Variants in SEC61A1 observed in about 807,000 individuals in gnomAD.
SEC61A1 encodes SEC61 translocon subunit alpha 1.
In SEC61A1, 15 loss-of-function variants were observed where a neutral mutation model predicts 55.2. That is an observed-to-expected ratio of 0.27 (90% CI 0.18 to 0.42). The LOEUF (loss-of-function observed/expected upper bound fraction) is 0.42, where lower values mean the gene tolerates loss of function less well. Ranked by LOEUF, SEC61A1 falls within the 10% of genes least tolerant of loss-of-function variation. SEC61A1 has a pLI of 1.00. For missense variants in SEC61A1, 284 were observed against 602.6 expected, an observed-to-expected ratio of 0.47 and a Z score of 5.53; for synonymous variants, 247 against 234.0, an observed-to-expected ratio of 1.06 and a Z score of -0.51.
chr3:128,068,135 A>G, intron 11 of SEC61A1, 76 bp downstream of exon 11: 1 of 1,082,698 alleles, frequency 9.2e-7, no homozygotes, highest in Non-Finnish European at 1.4e-6. Flanking sequence ...GCATCCTGAT[A>G]GGCCCTAGCA....
At chr3:128,068,924 C>A (rs1942066953) in intron 11 of SEC61A1, 1 of 152,280 alleles carries the variant, frequency 6.6e-6, no homozygotes, top group Non-Finnish European at 1.5e-5. Context: ...CTAAAGGAAG[C>A]AACCACAGGA....
At chr3:128,051,741 G>A (rs1941675874), upstream of SEC61A1, 4 of 1,490,074 alleles carry the variant, frequency 2.7e-6, no homozygotes, top group East Asian at 2.5e-5. Flanking sequence ...TACTCTCCCA[G>A]GAGGCCTTCC....
chr3:128,056,182 A>C (rs1249748712), intron 4 of SEC61A1, among the ~76,000 whole-genome samples: 1 of 152,198 alleles, frequency 6.6e-6, no homozygotes. Context: ...CCAGTTACTT[A>C]TGGGACTGGG....
At chr3:128,056,988 G>A (rs917738525) in intron 5 of SEC61A1, 148 bp downstream of exon 5, 4 of 536,196 alleles carry the variant, frequency 7.5e-6, no homozygotes, top group African/African-American at 6.0e-5. Context: ...CCAGGCTGGA[G>A]TGCAGTGACG....
Position 128,067,661 on chromosome 3 carries a change from A to T in SEC61A1, c.1167+49A>T. The stretch of plus-strand genomic sequence containing the variant: ...GAAGGGTGATGAAAGTGTGACTGGT[A>T]TAAGGGGTGTGGACTTGTCACCTCA... On this transcript the variant is annotated intron_variant, in intron 10 of 11. Transcript: ENST00000243253. The surrounding 1 kb of genome is among the most constrained non-coding windows in gnomAD (Gnocchi z 4.1). 1 of 1,439,400 alleles carries T rather than the reference A, an allele frequency of 6.9e-7. No homozygotes were observed. Among genetic ancestry groups the T allele is most frequent in the Non-Finnish European group, 9.6e-7 (1 of 1,038,056 alleles). The allele number at this position is 1,439,400 out of a possible 1,614,324, so 89.2% of individuals were successfully genotyped here.
chr3:128,051,927 C>G, upstream of SEC61A1: 1 of 1,524,152 alleles, frequency 6.6e-7, no homozygotes, highest in Non-Finnish European at 8.8e-7. Flanking sequence ...CCCACCAGCC[C>G]GCGCCCTACT....
chr3:128,062,485 G>A (rs1576421688), intron 7 of SEC61A1, among the ~76,000 whole-genome samples: 3 of 152,226 alleles, frequency 2.0e-5, no homozygotes, highest in Admixed American at 6.5e-5. Flanking sequence ...GGGGAAACAG[G>A]CCAGCCTTGT....
chr3:128,070,404 G>A lies in SEC61A1; in HGVS notation c.*742G>A, dbSNP rs1942126771. 1.3e-5 allele frequency: 2 copies of A among 152,226 alleles called. No individual in the cohort carries two copies. The highest frequency in any genetic ancestry group is 1.3e-4 in the Admixed American group (2 of 15,288). The allele number at this position is 152,226 out of a possible 1,614,324, so 9.4% of individuals were successfully genotyped here. On this transcript the variant is annotated 3_prime_UTR_variant, in exon 12 of 12. Coordinates refer to ENST00000243253, the MANE Select transcript of SEC61A1 (RefSeq NM_013336.4). The stretch of plus-strand genomic sequence containing the variant: ...TGGGTCATCAGCTCTGCCAAGCTGA[G>A]CCTGGCCAAGCTAGGTGGACAGACC...
At chr3:128,055,620 A>G in intron 3 of SEC61A1, 39 bp downstream of exon 3, 1 of 1,609,014 alleles carries the variant, frequency 6.2e-7, no homozygotes, top group Non-Finnish European at 8.5e-7. Flanking sequence ...GGAGGGGGAT[A>G]AGAGTGGCTG....
intron 2 of SEC61A1, 25 bp downstream of exon 2, chr3:128,052,927 A>G (rs1941712156): frequency 1.9e-6 from 3 of 1,586,968 alleles, no homozygotes; most frequent in Non-Finnish European, 2.6e-6. Context: ...TCGCCAACAA[A>G]GAAGGTTTCA....
chr3:128,057,228 A>T (rs963268171), intron 5 of SEC61A1, among the ~76,000 whole-genome samples: 1 of 152,216 alleles, frequency 6.6e-6, no homozygotes, highest in East Asian at 1.9e-4. Context: ...CACCATGCCC[A>T]GCCCAAACAG....
intron 4 of SEC61A1, 127 bp downstream of exon 4, chr3:128,055,878 A>G (rs1486131466): frequency 9.1e-6 from 7 of 769,350 alleles, no homozygotes; most frequent in Non-Finnish European, 1.5e-5. Context: ...GAAGAATGTT[A>G]AAGTGCTGTG....
chr3:128,059,896 G>A (rs1016419577), intron 5 of SEC61A1, among the ~76,000 whole-genome samples: 3 of 151,940 alleles, frequency 2.0e-5, no homozygotes, highest in Admixed American at 2.0e-4. Context: ...AAGAAGAAGT[G>A]TGCTTTTGTT....
rs368828300 is a variant in SEC61A1 at position 128,070,216 on chromosome 3, T to C, written c.*554T>C. ...TTGTTTTCCCTTATTTTAAAAGTGA[T>C]TTTTTTAAGGACAGAACTTCTTCCA... On this transcript the variant is annotated 3_prime_UTR_variant, in exon 12 of 12. Coordinates refer to ENST00000243253, the MANE Select transcript of SEC61A1 (RefSeq NM_013336.4). The C allele has an allele frequency of 1.3e-5, 2 of 152,406 alleles. No individual in the cohort carries two copies. The highest frequency in any genetic ancestry group is 4.8e-5 in the African/African-American group (2 of 41,452). The allele number at this position is 152,406 out of a possible 1,614,324, so 9.4% of individuals were successfully genotyped here.
chr3:128,057,721 G>A (rs538536264), intron 5 of SEC61A1, among the ~76,000 whole-genome samples: 333 of 686 alleles, frequency 0.49, 2 homozygotes, highest in East Asian at 0.5. Context: ...TTAGCCAGGC[G>A]TGGTGACAAG....
intron 2 of SEC61A1, among the ~76,000 whole-genome samples, chr3:128,053,570 C>G (rs1488490892): frequency 6.6e-6 from 1 of 152,198 alleles, no homozygotes; most frequent in Non-Finnish European, 1.5e-5. Flanking sequence ...TGTTTGTGTC[C>G]TCACATTATT....
In SEC61A1 at chr3:128,052,842, T is replaced by C. The variant is rs757382093; in HGVS notation, c.15T>C (p.Phe5=). The C allele has an allele frequency of 3.1e-6, 5 of 1,613,696 alleles. No individual in the cohort carries two copies. The South Asian group carries it at 5.5e-5, about 18-fold the overall frequency. MAIK[F]LEVIKPFCVI... Reference sequence around the variant, plus strand: ...TTGTTTCTCCCATCAAAGTCAAATTTCTGGAAGTCATCAAGCCCTTCTGTG... The same window carrying C: ...TTGTTTCTCCCATCAAAGTCAAATTCCTGGAAGTCATCAAGCCCTTCTGTG... The change falls in exon 2 of 12, where the codon TTT becomes TTC. Residue 5 remains phenylalanine (F), a synonymous_variant. Coordinates refer to ENST00000243253, the MANE Select transcript of SEC61A1 (RefSeq NM_013336.4).
chr3:128,067,080 T>C lies in SEC61A1; in HGVS notation c.904T>C (p.Tyr302His). 1 of 1,614,200 alleles carries C rather than the reference T, an allele frequency of 6.2e-7. No homozygotes were observed. The highest frequency in any genetic ancestry group is 1.1e-5 in the South Asian group (1 of 91,086). ...ILQSALVSNL[Y>H]VISQMLSARF... The stretch of plus-strand genomic sequence containing the variant: ...GCAGTCTGCCCTGGTGTCCAACCTT[T>C]ATGTCATCTCCCAAATGCTCTCAGC... Residue 302 changes from tyrosine to histidine, a missense_variant, in exon 9 of 12, where the codon TAT (tyrosine) becomes CAT (histidine). Transcript: ENST00000243253. The surrounding 1 kb of genome is among the most constrained non-coding windows in gnomAD (Gnocchi z 4.1).
intron 2 of SEC61A1, among the ~76,000 whole-genome samples, chr3:128,053,930 T>G (rs1941730083): frequency 6.6e-6 from 1 of 152,090 alleles, no homozygotes; most frequent in Non-Finnish European, 1.5e-5. Context: ...GAAATAGAAG[T>G]CTCCTTGAAG....
Sources: gnomAD v4.1 joint callset for allele counts (sites outside exome capture counted in the v4.1 genomes callset) on GRCh38, gnomAD v4.1.1 for gene constraint, Gnocchi (gnomAD v3.1) non-coding constraint, MANE v1.5 for transcripts, NCBI Gene and HGNC (gene_info 2026-07-23, HGNC 2026-07-21) for gene names.